Variants in GABBR1 observed in about 807,000 individuals in gnomAD.
GABBR1 encodes the protein gamma-aminobutyric acid type B receptor subunit 1.
GABBR1 carries 35 observed loss-of-function variants against 117.7 expected under a neutral mutation model. The observed-to-expected ratio is 0.30, with a 90% confidence interval of 0.23 to 0.39. GABBR1 has a LOEUF of 0.39. Among genes scored for constraint, GABBR1 ranks in the 10% least tolerant of loss-of-function variants. The pLI is 1.00. For synonymous variants in GABBR1, 442 were observed against 486.6 expected, an observed-to-expected ratio of 0.91 and a Z score of 1.21; for missense variants, 709 against 1,241.8, an observed-to-expected ratio of 0.57 and a Z score of 6.45.
chr6:29,629,526 T>C (rs1052479077), intron 4 of GABBR1, among the ~76,000 whole-genome samples: 1 of 152,180 alleles, frequency 6.6e-6, no homozygotes, highest in Non-Finnish European at 1.5e-5. Context: ...GCCCTCTATA[T>C]TATTAGAGCA....
intron 5 of GABBR1, 21 bp downstream of exon 5, chr6:29,629,065 CG>C (rs766908962): frequency 1.2e-6 from 2 of 1,612,552 alleles, no homozygotes; most frequent in Admixed American, 3.3e-5. Context: ...GCAGTGCGCG[CG>C]GTAAGGGTTT....
chr6:29,632,848 A>C lies in GABBR1; in HGVS notation c.-1+2T>G. The stretch of plus-strand genomic sequence containing the variant: ...CTGCTAACCCGGGGCCCTGGCTCTT[A>C]CCTCGGCGCGCGGGCCCGGCTCCCC... On this transcript the variant is annotated splice_donor_variant, in intron 1 of 22. Coordinates refer to ENST00000377034, the MANE Select transcript of GABBR1 (RefSeq NM_001470.4). LOFTEE classifies it low-confidence loss of function (5UTR_SPLICE). The surrounding 1 kb of genome is among the most constrained non-coding windows in gnomAD (Gnocchi z 5.8). 1 of 362,242 alleles carries C rather than the reference A, an allele frequency of 2.8e-6. No homozygotes were observed. The highest frequency in any genetic ancestry group is 4.2e-6 in the Non-Finnish European group (1 of 237,516). The allele number at this position is 362,242 out of a possible 1,614,324, so 22.4% of individuals were successfully genotyped here. A position where few individuals can be genotyped will look rare whatever the true frequency, so the allele number is the denominator to read the frequency against.
Position 29,632,276 on chromosome 6 carries a change from C to A in GABBR1, c.85+25G>T. 7.5e-7 allele frequency: 1 copy of A among 1,334,436 alleles called. No homozygotes were observed. The highest frequency in any genetic ancestry group is 9.8e-7 in the Non-Finnish European group (1 of 1,020,174). 82.7% of individuals were successfully genotyped at this position (1,334,436 alleles called of 1,614,324 possible). A position where few individuals can be genotyped will look rare whatever the true frequency, so the allele number is the denominator to read the frequency against. On this transcript the variant is annotated intron_variant, in intron 2 of 22. Transcript: ENST00000377034. This position sits in a 1 kb window ranked among gnomAD's most constrained non-coding sequence, Gnocchi z 5.8. Reference sequence around the variant, plus strand: ...AAAGGGAAGTGGAGCGAAGGAGGGCCGGAGGTCGTCGAAGAAGGATGCACC... The same window carrying A: ...AAAGGGAAGTGGAGCGAAGGAGGGCAGGAGGTCGTCGAAGAAGGATGCACC...
At chr6:29,626,293 T>G (rs563986780) in intron 6 of GABBR1, among the ~76,000 whole-genome samples, 2 of 152,174 alleles carry the variant, frequency 1.3e-5, no homozygotes, top group Non-Finnish European at 2.9e-5. Context: ...ATAGTGATGT[T>G]CTAAAAATGA....
chr6:29,619,967 C>G (rs1279550308), intron 11 of GABBR1, among the ~76,000 whole-genome samples: 1 of 152,246 alleles, frequency 6.6e-6, no homozygotes, highest in Non-Finnish European at 1.5e-5. Flanking sequence ...CCAGAGTCAA[C>G]TTCCTAAATC....
intron 4 of GABBR1, 113 bp from the exon 5 acceptor site, chr6:29,629,220 G>A: frequency 8.1e-7 from 1 of 1,241,670 alleles, no homozygotes; most frequent in Non-Finnish European, 1.2e-6. Context: ...GGGGAGAGCA[G>A]AAGCCTGCGT....
chr6:29,632,249 G>T lies in GABBR1; in HGVS notation c.85+52C>A. 2.8e-6 allele frequency: 3 copies of T among 1,079,494 alleles called. No homozygotes were observed. Among genetic ancestry groups the T allele is most frequent in the Non-Finnish European group, 2.5e-6 (2 of 790,216 alleles). 66.9% of individuals were successfully genotyped at this position (1,079,494 alleles called of 1,614,324 possible). A position where few individuals can be genotyped will look rare whatever the true frequency, so the allele number is the denominator to read the frequency against. On this transcript the variant is annotated intron_variant, in intron 2 of 22. Coordinates refer to ENST00000377034, the MANE Select transcript of GABBR1 (RefSeq NM_001470.4). The surrounding 1 kb of genome is among the most constrained non-coding windows in gnomAD (Gnocchi z 5.8). ...GAGGACCAGAAATGAGGAGATGCAGGGAAAGGGAAGTGGAGCGAAGGAGGG... is the reference window on the plus strand; with the variant it reads ...GAGGACCAGAAATGAGGAGATGCAGTGAAAGGGAAGTGGAGCGAAGGAGGG...
chr6:29,623,754 G>A lies in GABBR1; in HGVS notation c.792+136C>T, dbSNP rs568355084. 213 of 1,064,958 alleles carry A rather than the reference G, an allele frequency of 2.0e-4. No homozygotes were observed. The African/African-American group carries it at 3.2e-3, about 16-fold the overall frequency. 66.0% of individuals were successfully genotyped at this position (1,064,958 alleles called of 1,614,324 possible). A position where few individuals can be genotyped will look rare whatever the true frequency, so the allele number is the denominator to read the frequency against. On this transcript the variant is annotated intron_variant, in intron 7 of 22. Coordinates refer to ENST00000377034, the MANE Select transcript of GABBR1 (RefSeq NM_001470.4). The surrounding 1 kb of genome is among the most constrained non-coding windows in gnomAD (Gnocchi z 6.2). The stretch of plus-strand genomic sequence containing the variant: ...TGTTGCTAGGAGGCTGCCTAGCTCA[G>A]GTCTGCAGAGGACTCTGAATCTTAG...
rs1765002166 is a variant in GABBR1 at position 29,631,777 on chromosome 6, G to A, written c.86-178C>T. 6.6e-6 allele frequency among the ~76,000 whole-genome samples: 1 copy of A among 152,084 alleles called. No individual in the cohort carries two copies. The highest frequency in any genetic ancestry group is 2.4e-5 in the African/African-American group (1 of 41,406). On this transcript the variant is annotated intron_variant, in intron 2 of 22. Coordinates refer to ENST00000377034, the MANE Select transcript of GABBR1 (RefSeq NM_001470.4). This position sits in a 1 kb window ranked among gnomAD's most constrained non-coding sequence, Gnocchi z 5.9. ...GACAGGTACAGATCCCCTGGCTAAA[G>A]GACAGAGAGTAAAGGGCCAGGGTTA...
At position 29,623,976 on chromosome 6, in the gene GABBR1, C is replaced by T. The variant is rs1253384281; in HGVS notation, c.706G>A (p.Asp236Asn). 1.2e-6 allele frequency: 2 copies of T among 1,612,952 alleles called. No individual in the cohort carries two copies. The highest frequency in any genetic ancestry group is 1.7e-6 in the Non-Finnish European group (2 of 1,179,986). Residue 236 changes from aspartate (D) to asparagine (N), a missense_variant, in exon 7 of 23, where the codon GAC becomes AAC. Transcript: ENST00000377034. This position sits in a 1 kb window ranked among gnomAD's most constrained non-coding sequence, Gnocchi z 6.2. Reference protein sequence around the residue: ...TKYLYELLYNDPIKIILMPGC... With the variant: ...TKYLYELLYNNPIKIILMPGC... ...GGCATAAGGATGATCTTGATAGGGT[C>T]GTTGTAGAGCAGCTCATATAGGTAC...
At position 29,606,367 on chromosome 6, in the gene GABBR1, CT is replaced by C; in HGVS notation, c.2311+23del. The C allele has an allele frequency of 6.4e-7, 1 of 1,567,278 alleles. No homozygotes were observed. Among genetic ancestry groups the C allele is most frequent in the Non-Finnish European group, 8.8e-7 (1 of 1,138,054 alleles). ...CCTCCTGCCTTTGTGCATCCCTGCCCTCCTTTGCCCACATCCCACACACCAA... is the reference window on the plus strand; with the variant it reads ...CCTCCTGCCTTTGTGCATCCCTGCCCCCTTTGCCCACATCCCACACACCAA... On this transcript the variant is annotated intron_variant, in intron 19 of 22. Coordinates refer to ENST00000377034, the MANE Select transcript of GABBR1 (RefSeq NM_001470.4). The surrounding 1 kb of genome is among the most constrained non-coding windows in gnomAD (Gnocchi z 4.5).
At position 29,609,370 on chromosome 6, in the gene GABBR1, G is replaced by A. The variant is rs1286308621; in HGVS notation, c.1718C>T (p.Pro573Leu). The A allele has an allele frequency of 6.2e-7, 1 of 1,612,958 alleles. No individual in the cohort carries two copies. The highest frequency in any genetic ancestry group is 8.5e-7 in the Non-Finnish European group (1 of 1,179,994). Residue 573 changes from proline (P) to leucine (L), a missense_variant, in exon 15 of 23, where the codon CCC (proline) becomes CTC (leucine). By Grantham distance (98) the Pro-to-Leu change is moderately conservative. Around this residue, in one of 9 missense-constraint regions of GABBR1, gnomAD observed 251 missense variants for 445.3 expected, o/e 0.56. Transcript: ENST00000377034. This position sits in a 1 kb window ranked among gnomAD's most constrained non-coding sequence, Gnocchi z 4.3. ...GATGACCAGGGTCTGGTCAGCTGGG[G>A]GGGACCCTCCTGCATGGCACAGGGG... ...SKTDKWIGGS[P>L]PADQTLVIKT...
rs901933927 is a variant in GABBR1, at chr6:29,603,141, T to C, written c.*402A>G. On this transcript the variant is annotated 3_prime_UTR_variant, in exon 23 of 23. Transcript: ENST00000377034. ...CCCTTTGGGGTGGAAAGAGCACTTG[T>C]TGGGAGACCCCTGCTGGACAGGAAC... 1.1e-5 allele frequency: 5 copies of C among 469,220 alleles called. No individual in the cohort carries two copies. The East Asian group carries it at 2.0e-4, about 19-fold the overall frequency. 29.1% of individuals were successfully genotyped at this position (469,220 alleles called of 1,614,324 possible). A position where few individuals can be genotyped will look rare whatever the true frequency, so the allele number is the denominator to read the frequency against.
At chr6:29,624,765 T>C (rs1268677599) in intron 6 of GABBR1, among the ~76,000 whole-genome samples, 2 of 151,584 alleles carry the variant, frequency 1.3e-5, no homozygotes, top group African/African-American at 2.4e-5. Flanking sequence ...CTAGGGAAAG[T>C]AAACAAGCAG....
chr6:29,613,530 G>A lies in GABBR1; in HGVS notation c.1324-45C>T. 4 of 1,594,536 alleles carry A rather than the reference G, an allele frequency of 2.5e-6. No individual in the cohort carries two copies. Among genetic ancestry groups the A allele is most frequent in the Non-Finnish European group, 3.4e-6 (4 of 1,168,296 alleles). On this transcript the variant is annotated intron_variant, in intron 11 of 22. Coordinates refer to ENST00000377034, the MANE Select transcript of GABBR1 (RefSeq NM_001470.4). The surrounding 1 kb of genome is among the most constrained non-coding windows in gnomAD (Gnocchi z 4.1). ...GAGGAAAGAACTGAAATGTGTGTGG[G>A]TGTGGGGGAAGGGGTGCAATCCAAT...
rs202165362 is a variant in GABBR1, at chr6:29,614,981, C to CAAAAAA, written c.1324-1502_1324-1497dup. 5.2e-3 allele frequency among the ~76,000 whole-genome samples: 421 copies of CAAAAAA among 81,026 alleles called. 16 individuals carry two copies. Among genetic ancestry groups the CAAAAAA allele is most frequent in the South Asian group, 0.027 (62 of 2,288 alleles). The allele number at this position is 81,026 out of a possible 152,430, so 53.2% of individuals were successfully genotyped here. Reference sequence around the variant, plus strand: ...ATTCTGCTGGGAAACTAAAACTGCTCAAAAAAAAAAAAAAAAAAAAAAGGC... The same window carrying CAAAAAA: ...ATTCTGCTGGGAAACTAAAACTGCTCAAAAAAAAAAAAAAAAAAAAAAAAAAAAGGC... On this transcript the variant is annotated intron_variant, in intron 11 of 22. Transcript: ENST00000377034.
chr6:29,615,612 A>AAAAG, intron 11 of GABBR1, among the ~76,000 whole-genome samples: 1 of 149,852 alleles, frequency 6.7e-6, no homozygotes, highest in East Asian at 1.9e-4. Flanking sequence ...CTGCCTTTAA[A>AAAAG]AAAAAAAAAA....
At position 29,609,685 on chromosome 6, in the gene GABBR1, A is replaced by C. The variant is rs2127401387; in HGVS notation, c.1709-306T>G. Reference sequence around the variant, plus strand: ...TAGTCTTTGTTTTTGTTTGTTCTTTAAGTTTTTCTGTCTTTCTTACAGCAA... The same window carrying C: ...TAGTCTTTGTTTTTGTTTGTTCTTTCAGTTTTTCTGTCTTTCTTACAGCAA... On this transcript the variant is annotated intron_variant, in intron 14 of 22. Coordinates refer to ENST00000377034, the MANE Select transcript of GABBR1 (RefSeq NM_001470.4). This position sits in a 1 kb window ranked among gnomAD's most constrained non-coding sequence, Gnocchi z 4.3. Among the ~76,000 whole-genome samples the C allele has an allele frequency of 6.6e-6, 1 of 152,280 alleles. No homozygotes were observed. Among genetic ancestry groups the C allele is most frequent in the Middle Eastern group, 3.4e-3 (1 of 294 alleles).
In GABBR1 at chr6:29,604,718, G is replaced by C; in HGVS notation, c.2569-81C>G. 1 of 1,604,434 alleles carries C rather than the reference G, an allele frequency of 6.2e-7. No homozygotes were observed. The highest frequency in any genetic ancestry group is 8.5e-7 in the Non-Finnish European group (1 of 1,173,336). On this transcript the variant is annotated intron_variant, in intron 21 of 22. Transcript: ENST00000377034. The surrounding 1 kb of genome is among the most constrained non-coding windows in gnomAD (Gnocchi z 5.3). ...GCTGATGGAAGGTTGGAGGTGGAAGGAATGCTGATAAGAGTTGGGCCCAAA... is the reference window on the plus strand; with the variant it reads ...GCTGATGGAAGGTTGGAGGTGGAAGCAATGCTGATAAGAGTTGGGCCCAAA...
Sources: allele counts gnomAD v4.1 joint callset (sites outside exome capture counted in the v4.1 genomes callset), GRCh38; gene constraint gnomAD v4.1.1; regional missense constraint gnomAD v4.1.1; non-coding constraint Gnocchi (gnomAD v3.1); transcripts MANE v1.5; gene names NCBI Gene and HGNC (gene_info 2026-07-23, HGNC 2026-07-21).